Variants in SH3GL3 observed in about 807,000 individuals in gnomAD.
SH3GL3 encodes SH3 domain containing GRB2 like 3, endophilin A3.
A neutral mutation model predicts 47.7 loss-of-function variants in SH3GL3; 33 were observed. That is an observed-to-expected ratio of 0.69 (90% CI 0.52 to 0.92). SH3GL3 has a LOEUF of 0.92. Among genes scored for constraint, SH3GL3 ranks in the 40% least tolerant of loss-of-function variants. The probability of loss-of-function intolerance (pLI) is 0.00; values close to 1 mark genes in which losing one functional copy is unlikely to be tolerated. For synonymous variants in SH3GL3, 155 were observed against 148.8 expected (o/e 1.04, Z -0.30); for missense variants, 363 against 417.8 (o/e 0.87, Z 1.14).
At chr15:83,570,684 G>C (rs748095409) in intron 4 of SH3GL3, among the ~76,000 whole-genome samples, 2 of 152,082 alleles carry the variant, frequency 1.3e-5, no homozygotes, top group Non-Finnish European at 2.9e-5. Context: ...TCAAATATTT[G>C]GCCACAGTAA....
intron 1 of SH3GL3, among the ~76,000 whole-genome samples, chr15:83,525,149 T>C (rs993874925): frequency 1.3e-5 from 2 of 152,150 alleles, no homozygotes; most frequent in East Asian, 1.9e-4. Context: ...TTCTCTTTTT[T>C]TCATGTTATT....
intron 3 of SH3GL3, among the ~76,000 whole-genome samples, chr15:83,567,744 T>C (rs189788279): frequency 1.2e-4 from 18 of 152,298 alleles, no homozygotes; most frequent in Non-Finnish European, 2.4e-4. Context: ...TGTGTGTTAA[T>C]GACCAGTTGG....
At chr15:83,628,896 G>A in the SH3GL3 span, among the ~76,000 whole-genome samples, 2 of 152,002 alleles carry the variant, frequency 1.3e-5, no homozygotes. Flanking sequence ...CCAAGGTCAT[G>A]GGATAGAAAG....
intron 1 of SH3GL3, among the ~76,000 whole-genome samples, chr15:83,472,526 A>G (rs1478034175): frequency 6.6e-6 from 1 of 151,680 alleles, no homozygotes; most frequent in Non-Finnish European, 1.5e-5. Flanking sequence ...TTTTAATTTC[A>G]GTTATTTTAT....
chr15:83,598,545 T>C (rs1449084869), intron 8 of SH3GL3, among the ~76,000 whole-genome samples: 1 of 152,236 alleles, frequency 6.6e-6, no homozygotes, highest in African/African-American at 2.4e-5. Context: ...CTGTACTTCA[T>C]TGTGCCATAT....
intron 1 of SH3GL3, among the ~76,000 whole-genome samples, chr15:83,525,444 GT>G (rs1163224191): frequency 6.6e-6 from 1 of 151,816 alleles, no homozygotes; most frequent in African/African-American, 2.4e-5. Context: ...TGAATAGTTT[GT>G]GAATATGTTC....
At chr15:83,580,412 T>C (rs1331701322) in intron 6 of SH3GL3, among the ~76,000 whole-genome samples, 2 of 152,134 alleles carry the variant, frequency 1.3e-5, no homozygotes, top group Non-Finnish European at 2.9e-5. Context: ...GTCAAATGAG[T>C]GGCTGCAAGG....
At chr15:83,488,730 C>A (rs1421502198) in intron 1 of SH3GL3, among the ~76,000 whole-genome samples, 4 of 152,232 alleles carry the variant, frequency 2.6e-5, no homozygotes, top group Non-Finnish European at 4.4e-5. Context: ...GCCCAGCTGC[C>A]TCTGCAGCCA....
At chr15:83,539,224 T>C (rs904270256) in intron 1 of SH3GL3, among the ~76,000 whole-genome samples, 1 of 152,326 alleles carries the variant, frequency 6.6e-6, no homozygotes, top group East Asian at 1.9e-4. Flanking sequence ...ATAACAAATA[T>C]TTCTCATGCT....
At chr15:83,572,765 G>A in intron 5 of SH3GL3, 67 bp downstream of exon 5, 1 of 1,190,896 alleles carries the variant, frequency 8.4e-7, no homozygotes, top group South Asian at 1.4e-5. Flanking sequence ...AAAATCACTA[G>A]AACGTTTCAG....
intron 1 of SH3GL3, among the ~76,000 whole-genome samples, chr15:83,482,782 G>A (rs77407515): frequency 0.017 from 2,511 of 152,090 alleles, 27 homozygotes; most frequent in Non-Finnish European, 0.027. Context: ...ATGAGGCACC[G>A]CGCTCGGCTG....
rs1361588872 is a variant in SH3GL3, at chr15:83,588,775, A to G, written c.838+4A>G. On this transcript the variant is annotated splice_donor_region_variant and intron_variant, in intron 8 of 8. Coordinates refer to ENST00000427482, the MANE Select transcript of SH3GL3 (RefSeq NM_003027.5). ...ACCTCTGTAGTGAAGACGACAGGTA[A>G]GTTGACCATTCTAATATGCTAAGTG... 1.4e-6 allele frequency: 2 copies of G among 1,478,640 alleles called. No homozygotes were observed. Among genetic ancestry groups the G allele is most frequent in the South Asian group, 2.3e-5 (2 of 88,240 alleles). 91.6% of individuals were successfully genotyped at this position (1,478,640 alleles called of 1,614,324 possible).
Position 83,503,965 on chromosome 15 carries a change from T to C in SH3GL3, c.46-55288T>C, listed in dbSNP as rs766880007. Among the ~76,000 whole-genome samples, 8 of 152,366 alleles carry C rather than the reference T, an allele frequency of 5.3e-5. No homozygotes were observed. In the East Asian group the frequency reaches 9.6e-4, roughly 18 times the overall value. ...AATTGTCATTTCTTTAATTGTGAGA[T>C]GAAATGTTACATTCTTATCCACCTT... is the stretch of plus-strand genomic sequence containing the variant. On this transcript the variant is annotated intron_variant, in intron 1 of 8. Transcript: ENST00000427482.
chr15:83,551,981 T>G (rs2044691792), intron 1 of SH3GL3, among the ~76,000 whole-genome samples: 1 of 152,222 alleles, frequency 6.6e-6, no homozygotes, highest in African/African-American at 2.4e-5. Flanking sequence ...ACTCCATATA[T>G]CCTACTAGGC....
At chr15:83,565,495 A>G in intron 3 of SH3GL3, 1 of 288,830 alleles carries the variant, frequency 3.5e-6, no homozygotes, top group Non-Finnish European at 6.4e-6. Flanking sequence ...TCAGAAAGCC[A>G]CTAAACATTT....
chr15:83,604,857 A>G (rs750138869), intron 8 of SH3GL3, among the ~76,000 whole-genome samples: 1 of 152,220 alleles, frequency 6.6e-6, no homozygotes, highest in Non-Finnish European at 1.5e-5. Flanking sequence ...AAGGAATACT[A>G]GGGGAATGTT....
Position 83,568,615 on chromosome 15 carries a change from T to C in SH3GL3, c.274T>C (p.Leu92=). The change falls in exon 4 of 9, where the codon TTG becomes CTG. Residue 92 remains leucine, a synonymous_variant. Coordinates refer to ENST00000427482, the MANE Select transcript of SH3GL3 (RefSeq NM_003027.5). Reference sequence around the variant, plus strand: ...CACAGGATACCCGCAGACGGAAGGCTTGCTGGGGGACTGTATGCTGAAATA... The same window carrying C: ...CACAGGATACCCGCAGACGGAAGGCCTGCTGGGGGACTGTATGCTGAAATA... ...KTTGYPQTEG[L]LGDCMLKYGK... 1 of 1,613,746 alleles carries C rather than the reference T, an allele frequency of 6.2e-7. No individual in the cohort carries two copies. The highest frequency in any genetic ancestry group is 1.1e-5 in the South Asian group (1 of 91,062).
chr15:83,521,729 TC>T (rs913436210), intron 1 of SH3GL3, among the ~76,000 whole-genome samples: 11 of 152,164 alleles, frequency 7.2e-5, no homozygotes, highest in African/African-American at 2.7e-4. Context: ...TCAGATTAGC[TC>T]CTCCTACAAC....
chr15:83,459,945 C>A (rs1007589252), intron 1 of SH3GL3, among the ~76,000 whole-genome samples: 2 of 150,180 alleles, frequency 1.3e-5, no homozygotes, highest in Non-Finnish European at 1.5e-5. Context: ...GTTTCCCCCC[C>A]ACCCCCAGTT....
Sources: gnomAD v4.1 joint callset for allele counts (sites outside exome capture counted in the v4.1 genomes callset) on GRCh38, gnomAD v4.1.1 for gene constraint, MANE v1.5 for transcripts, NCBI Gene and HGNC (gene_info 2026-07-23, HGNC 2026-07-21) for gene names.